The following CSMD1 variants were observed in gnomAD, a reference collection of about 807,000 sequenced individuals.
The protein encoded by CSMD1 is CUB and sushi domain-containing protein 1.
CSMD1 carries 213 observed loss-of-function variants against 417.5 expected under a neutral mutation model. The observed-to-expected ratio is 0.51, with a 90% CI of 0.46 to 0.57. The LOEUF (loss-of-function observed/expected upper bound fraction) is 0.57, where lower values mean the gene tolerates loss of function less well. Among genes scored for constraint, CSMD1 ranks in the 20% least tolerant of loss-of-function variants. The pLI, the probability that CSMD1 is intolerant of heterozygous loss-of-function variation, is 0.00. For missense variants in CSMD1, 6,923 were observed against 4,529.7 expected, an observed-to-expected ratio of 1.53 and a Z score of -15.17; for synonymous variants, 2,862 against 1,736.8, an observed-to-expected ratio of 1.65 and a Z score of -16.11.
chr8:4,260,471 T>C lies in CSMD1; in HGVS notation c.415+159482A>G, dbSNP rs146499986. 1.3e-3 allele frequency among the ~76,000 whole-genome samples: 191 copies of C among 152,306 alleles called. 1 individual carries two copies. Among genetic ancestry groups the C allele is most frequent in the African/African-American group, 4.0e-3 (168 of 41,582 alleles). ...TGTGGGTTGGGGATGTTAGTGAACA[T>C]TGTTCACCTGAAGTAAATACAAGGC... On this transcript the variant is annotated intron_variant, in intron 3 of 69. Coordinates refer to ENST00000635120, the MANE Select transcript of CSMD1 (RefSeq NM_033225.6).
intron 26 of CSMD1, among the ~76,000 whole-genome samples, chr8:3,241,367 C>T (rs1254610994): frequency 6.6e-6 from 1 of 151,834 alleles, no homozygotes; most frequent in Non-Finnish European, 1.5e-5. Flanking sequence ...GAGTGGGTAG[C>T]CTCCATATTG....
At chr8:3,209,295 ATTTAT>A (rs1210294779) in intron 30 of CSMD1, among the ~76,000 whole-genome samples, 4 of 1,036 alleles carry the variant, frequency 3.9e-3, no homozygotes. Context: ...TTGTTTGTTT[ATTTAT>A]TTATTTATTT....
intron 22 of CSMD1, among the ~76,000 whole-genome samples, chr8:3,343,923 G>C (rs377169282): frequency 2.0e-5 from 3 of 152,148 alleles, no homozygotes; most frequent in East Asian, 3.8e-4. Context: ...AACAAGATGT[G>C]CCGGAATCTT....
At chr8:3,172,295 G>A (rs971939247) in intron 37 of CSMD1, among the ~76,000 whole-genome samples, 3 of 152,068 alleles carry the variant, frequency 2.0e-5, no homozygotes, top group South Asian at 4.2e-4. Context: ...TTTCCACCTG[G>A]GGTCTCTGTA....
At chr8:4,200,183 G>T (rs1303105881) in intron 3 of CSMD1, among the ~76,000 whole-genome samples, 2 of 152,014 alleles carry the variant, frequency 1.3e-5, no homozygotes, top group African/African-American at 4.8e-5. Flanking sequence ...TAACTACCTG[G>T]ACAAAATCCA....
chr8:3,415,532 AT>A (rs1316113786), intron 12 of CSMD1, among the ~76,000 whole-genome samples: 2 of 151,974 alleles, frequency 1.3e-5, no homozygotes, highest in Admixed American at 6.6e-5. Context: ...TAATTTTTGT[AT>A]TTTTTAGCAG....
intron 25 of CSMD1, among the ~76,000 whole-genome samples, chr8:3,301,125 AT>A (rs1437266369): frequency 6.6e-6 from 1 of 152,122 alleles, no homozygotes; most frequent in Non-Finnish European, 1.5e-5. Flanking sequence ...GATTTCTTCA[AT>A]TGTTTTTTTT....
chr8:3,494,988 C>T (rs1202572275), intron 10 of CSMD1, among the ~76,000 whole-genome samples: 2 of 152,100 alleles, frequency 1.3e-5, no homozygotes, highest in Non-Finnish European at 1.5e-5. Flanking sequence ...CAAGCAATGC[C>T]AAAAAGGAAT....
chr8:4,791,258 C>T (rs571763541), intron 1 of CSMD1, among the ~76,000 whole-genome samples: 8 of 152,238 alleles, frequency 5.3e-5, no homozygotes, highest in Non-Finnish European at 1.2e-4. Flanking sequence ...AGGGGCTTTG[C>T]CTGTCATGGA....
At chr8:4,808,349 A>G (rs975741851) in intron 1 of CSMD1, among the ~76,000 whole-genome samples, 2 of 152,188 alleles carry the variant, frequency 1.3e-5, no homozygotes, top group Non-Finnish European at 2.9e-5. Context: ...TCCTGCGACA[A>G]TCATTGGTAG....
chr8:4,013,310 C>T (rs754155864), intron 4 of CSMD1, among the ~76,000 whole-genome samples: 7 of 152,072 alleles, frequency 4.6e-5, no homozygotes, highest in Non-Finnish European at 8.8e-5. Flanking sequence ...CTCTATTCTT[C>T]GTTCACTCAC....
At chr8:3,240,576 G>A (rs1216501256) in intron 26 of CSMD1, among the ~76,000 whole-genome samples, 1 of 152,050 alleles carries the variant, frequency 6.6e-6, no homozygotes, top group Non-Finnish European at 1.5e-5. Context: ...GGCTGTCTGT[G>A]AAGCTTTGCG....
chr8:4,274,827 T>C (rs1327884222), intron 3 of CSMD1, among the ~76,000 whole-genome samples: 1 of 152,168 alleles, frequency 6.6e-6, no homozygotes, highest in African/African-American at 2.4e-5. Flanking sequence ...ATGACTGCTT[T>C]GCTTTGAAAA....
chr8:4,437,303 G>A (rs570305040), intron 2 of CSMD1, among the ~76,000 whole-genome samples: 1 of 152,112 alleles, frequency 6.6e-6, no homozygotes, highest in Non-Finnish European at 1.5e-5. Flanking sequence ...TGATTATTTA[G>A]TTTGAGAGAA....
intron 1 of CSMD1, among the ~76,000 whole-genome samples, chr8:4,773,027 C>G (rs532078803): frequency 6.6e-6 from 1 of 152,214 alleles, no homozygotes; most frequent in South Asian, 2.1e-4. Context: ...AATGCTCATA[C>G]AGGTTGAATA....
At chr8:4,096,193 C>T (rs1184657000) in intron 3 of CSMD1, among the ~76,000 whole-genome samples, 2 of 152,116 alleles carry the variant, frequency 1.3e-5, no homozygotes, top group African/African-American at 2.4e-5. Context: ...CAAAATGGAA[C>T]CACTGAGATG....
intron 12 of CSMD1, among the ~76,000 whole-genome samples, chr8:3,434,829 T>C (rs1287636108): frequency 5.3e-5 from 8 of 152,130 alleles, no homozygotes; most frequent in Admixed American, 3.9e-4. Context: ...TGAGTCAGAG[T>C]GCTGGCAGGA....
chr8:3,817,903 T>C (rs747578748), intron 5 of CSMD1, among the ~76,000 whole-genome samples: 1 of 152,190 alleles, frequency 6.6e-6, no homozygotes, highest in Non-Finnish European at 1.5e-5. Context: ...AGATGCAGAT[T>C]CAGCCCTGTT....
intron 5 of CSMD1, among the ~76,000 whole-genome samples, chr8:3,907,148 G>T (rs533397547): frequency 2.0e-5 from 3 of 152,066 alleles, no homozygotes; most frequent in African/African-American, 7.3e-5. Flanking sequence ...TTCATGTTAC[G>T]TTGTGTATTA....
Sources: allele counts gnomAD v4.1 joint callset (sites outside exome capture counted in the v4.1 genomes callset), GRCh38; gene constraint gnomAD v4.1.1; transcripts MANE v1.5; gene names NCBI Gene and HGNC (gene_info 2026-07-23, HGNC 2026-07-21).